The following WDPCP variants were observed in gnomAD, a reference collection of about 807,000 sequenced individuals.
WDPCP encodes WD repeat containing planar cell polarity effector, also known as WD repeat-containing and planar cell polarity effector protein fritz homolog.
A neutral mutation model predicts 93.1 loss-of-function variants in WDPCP; 71 were observed. That is an observed-to-expected ratio of 0.76 (90% CI 0.63 to 0.93). The LOEUF is 0.93. Ranked by LOEUF, WDPCP falls within the 40% of genes least tolerant of loss-of-function variation. The probability of loss-of-function intolerance (pLI) is 0.00; values close to 1 mark genes in which losing one functional copy is unlikely to be tolerated. For synonymous variants in WDPCP, 315 were observed against 315.0 expected (o/e 1.00, Z 0.00); for missense variants, 844 against 887.4 (o/e 0.95, Z 0.62).
chr2:63,323,352 C>T (rs1189574835), intron 12 of WDPCP, among the ~76,000 whole-genome samples: 1 of 152,152 alleles, frequency 6.6e-6, no homozygotes, highest in East Asian at 1.9e-4. Flanking sequence ...GATTCTGTTA[C>T]CTTCTGTAGG....
intron 9 of WDPCP, among the ~76,000 whole-genome samples, chr2:63,422,513 T>C (rs1695943749): frequency 6.6e-6 from 1 of 152,190 alleles, no homozygotes; most frequent in Non-Finnish European, 1.5e-5. Context: ...CCTATATAAG[T>C]ACAACCATTG....
chr2:63,797,821 C>T (rs1329612966), intron 2 of WDPCP, among the ~76,000 whole-genome samples: 1 of 151,940 alleles, frequency 6.6e-6, no homozygotes, highest in African/African-American at 2.4e-5. Flanking sequence ...ATACCAAGTA[C>T]AAGAGGTTAT....
chr2:63,267,736 A>C (rs1682260535), intron 13 of WDPCP, among the ~76,000 whole-genome samples: 1 of 151,772 alleles, frequency 6.6e-6, no homozygotes, highest in African/African-American at 2.4e-5. Context: ...CAACATCTCT[A>C]ATCACCAAGG....
intron 1 of WDPCP, among the ~76,000 whole-genome samples, chr2:63,513,946 C>G (rs1408887724): frequency 1.3e-5 from 2 of 151,612 alleles, no homozygotes; most frequent in Admixed American, 6.6e-5. Context: ...TTTACCTGTC[C>G]TTTGTTAAAG....
intron 17 of WDPCP, among the ~76,000 whole-genome samples, chr2:63,148,650 G>GA (rs1297746094): frequency 9.2e-4 from 125 of 136,052 alleles, no homozygotes; most frequent in East Asian, 2.3e-3. Context: ...TCCTGGCTGA[G>GA]AAAAAAAAAA....
intron 6 of WDPCP, among the ~76,000 whole-genome samples, chr2:63,472,969 G>A (rs996406527): frequency 2.0e-5 from 3 of 152,100 alleles, no homozygotes; most frequent in Non-Finnish European, 2.9e-5. Context: ...TTCCATTTAC[G>A]GCATTGTCCC....
intron 1 of WDPCP, among the ~76,000 whole-genome samples, chr2:63,548,917 GAA>G (rs1482599358): frequency 1.3e-5 from 2 of 152,118 alleles, no homozygotes; most frequent in Non-Finnish European, 2.9e-5. Flanking sequence ...CATACCGGCA[GAA>G]AAAGTTTTAA....
At chr2:63,527,530 T>C (rs4671513) in intron 1 of WDPCP, among the ~76,000 whole-genome samples, 121,937 of 151,646 alleles carry the variant, frequency 0.8, 49,700 homozygotes, top group East Asian at 0.99. Flanking sequence ...TCATCCATGT[T>C]CCTACAAAGG....
intron 14 of WDPCP, among the ~76,000 whole-genome samples, chr2:63,223,336 C>T (rs1459554786): frequency 6.6e-6 from 1 of 152,092 alleles, no homozygotes; most frequent in Non-Finnish European, 1.5e-5. Context: ...ATGATATTAT[C>T]AGAGAACGTT....
In WDPCP at chr2:63,404,449, C is replaced by G. The variant is rs772944911; in HGVS notation, c.1034G>C (p.Arg345Thr). Residue 345 changes from arginine (R) to threonine (T), a missense_variant, in exon 10 of 18, where the codon AGG (arginine) becomes ACG (threonine). Coordinates refer to ENST00000272321, the MANE Select transcript of WDPCP (RefSeq NM_015910.7). ...AATCAGTTTGTCTTCAGTAACATTC[C>G]TGCAGCAGCTGATGGCCTTTGACTT... ...PLKSKAISCC[R>T]NVTEDKLILG... is the part of the protein sequence containing the mutation. 6.2e-7 allele frequency: 1 copy of G among 1,614,142 alleles called. No homozygotes were observed. Among genetic ancestry groups the G allele is most frequent in the Non-Finnish European group, 8.5e-7 (1 of 1,180,026 alleles).
chr2:63,615,406 G>T (rs1010327045), intron 3 of WDPCP, among the ~76,000 whole-genome samples: 4 of 152,156 alleles, frequency 2.6e-5, no homozygotes, highest in South Asian at 2.1e-4. Flanking sequence ...TGCACAGTAG[G>T]AAAGAAATAA....
chr2:63,699,135 A>T (rs1298616702), intron 2 of WDPCP, among the ~76,000 whole-genome samples: 1 of 152,154 alleles, frequency 6.6e-6, no homozygotes, highest in African/African-American at 2.4e-5. Flanking sequence ...CTGCTGATGA[A>T]GGAACACTCT....
chr2:63,161,949 T>C (rs535745331), intron 15 of WDPCP, among the ~76,000 whole-genome samples: 1 of 152,146 alleles, frequency 6.6e-6, no homozygotes, highest in East Asian at 1.9e-4. Context: ...TTTTTATTTT[T>C]AGTAGAGGTG....
chr2:63,228,824 G>T (rs144292994), intron 14 of WDPCP: 1 of 152,192 alleles, frequency 6.6e-6, no homozygotes, highest in African/African-American at 2.4e-5. Flanking sequence ...TCTTAACCCA[G>T]TCTATCATTG....
intron 17 of WDPCP, among the ~76,000 whole-genome samples, chr2:63,137,935 C>T (rs1670746015): frequency 6.6e-6 from 1 of 152,014 alleles, no homozygotes. Flanking sequence ...TGTACAGGTA[C>T]CATGCTGTTT....
intron 13 of WDPCP, among the ~76,000 whole-genome samples, chr2:63,298,618 G>A (rs1354500720): frequency 2.0e-5 from 3 of 152,126 alleles, no homozygotes; most frequent in African/African-American, 7.2e-5. Flanking sequence ...TCAGTGGTTT[G>A]CCAGGGGCTC....
At chr2:63,239,325 TTTC>T (rs1303087179) in intron 14 of WDPCP, among the ~76,000 whole-genome samples, 1 of 152,204 alleles carries the variant, frequency 6.6e-6, no homozygotes, top group African/African-American at 2.4e-5. Flanking sequence ...GGCATTTCAT[TTTC>T]TTTAAGCCTT....
chr2:63,622,067 T>C (rs9797926), intron 3 of WDPCP: 2 of 14,612 alleles, frequency 1.4e-4, no homozygotes, highest in African/African-American at 1.5e-3. Flanking sequence ...TTCTTTTTTC[T>C]TTTTTTTTTT....
chr2:63,381,333 A>C (rs530201526), intron 11 of WDPCP, among the ~76,000 whole-genome samples: 138 of 152,236 alleles, frequency 9.1e-4, no homozygotes, highest in African/African-American at 2.8e-3. Context: ...ATATATATCA[A>C]CAAAATTACT....
Sources: allele counts gnomAD v4.1 joint callset (sites outside exome capture counted in the v4.1 genomes callset), GRCh38; gene constraint gnomAD v4.1.1; transcripts MANE v1.5; gene names NCBI Gene and HGNC (gene_info 2026-07-23, HGNC 2026-07-21).